SYN3: variants seen among roughly 807,000 people sequenced by gnomAD.
SYN3 encodes the protein synapsin III.
SYN3 carries 35 observed loss-of-function variants against 65.8 expected under a neutral mutation model. That is an observed-to-expected ratio of 0.53 (90% CI 0.41 to 0.70). The LOEUF is 0.70. Among genes scored for constraint, SYN3 ranks in the 30% least tolerant of loss-of-function variants. SYN3 has a pLI of 0.00. For synonymous variants in SYN3, 270 were observed against 292.9 expected (o/e 0.92, Z 0.80); for missense variants, 680 against 749.0 (o/e 0.91, Z 1.08).
At chr22:32,914,173 T>C (rs1404084585) in intron 4 of SYN3, among the ~76,000 whole-genome samples, 1 of 152,180 alleles carries the variant, frequency 6.6e-6, no homozygotes, top group Non-Finnish European at 1.5e-5. Flanking sequence ...AATCAAAAGA[T>C]ACAAACCTGA....
At chr22:32,632,073 T>A (rs776144497) in intron 6 of SYN3, among the ~76,000 whole-genome samples, 1 of 152,202 alleles carries the variant, frequency 6.6e-6, no homozygotes, top group Non-Finnish European at 1.5e-5. Context: ...CCTAGACAGA[T>A]AAAGGTCTTG....
chr22:32,607,881 G>A (rs561296088), intron 6 of SYN3, among the ~76,000 whole-genome samples: 2 of 152,314 alleles, frequency 1.3e-5, no homozygotes, highest in South Asian at 4.1e-4. Flanking sequence ...TGGCTCTGGG[G>A]AGGGTCTGAA....
chr22:32,828,356 A>C lies in SYN3; in HGVS notation c.711+36559T>G, dbSNP rs139108162. Among the ~76,000 whole-genome samples, 979 of 152,360 alleles carry C rather than the reference A, an allele frequency of 6.4e-3. 9 individuals are homozygous for C. The highest frequency in any genetic ancestry group is 0.022 in the African/African-American group (932 of 41,584). ...ACAACATTCTTTTATGTTGATGTGA[A>C]GTAGCAAATCTTTCAGAGATACAGG... On this transcript the variant is annotated intron_variant, in intron 6 of 13. Transcript: ENST00000358763.
At chr22:32,860,691 G>C (rs1461797506) in intron 6 of SYN3, 3 of 152,538 alleles carry the variant, frequency 2.0e-5, no homozygotes, top group Admixed American at 2.0e-4. Flanking sequence ...GATGGCAGAT[G>C]AGAGTGTAGT....
intron 13 of SYN3, among the ~76,000 whole-genome samples, chr22:32,515,079 T>C (rs147080385): frequency 1.6e-3 from 239 of 152,304 alleles, no homozygotes; most frequent in African/African-American, 5.6e-3. Context: ...CCTTGCTTAT[T>C]ACCCCTCAGA....
chr22:32,869,954 T>A (rs1016822025), intron 4 of SYN3, among the ~76,000 whole-genome samples: 2 of 152,106 alleles, frequency 1.3e-5, no homozygotes, highest in Admixed American at 6.6e-5. Context: ...GTCATCTGGC[T>A]CCAAGTCCAC....
intron 7 of SYN3, among the ~76,000 whole-genome samples, chr22:32,548,654 G>A (rs1187837802): frequency 6.6e-6 from 1 of 152,166 alleles, no homozygotes; most frequent in Non-Finnish European, 1.5e-5. Context: ...TTACAGGCGT[G>A]AGCCACCGTG....
chr22:32,959,849 C>A (rs1187046340), intron 3 of SYN3, among the ~76,000 whole-genome samples: 1 of 152,202 alleles, frequency 6.6e-6, no homozygotes, highest in East Asian at 1.9e-4. Context: ...TTTGCCTTGG[C>A]CTTCCAAAGT....
In SYN3 at chr22:32,665,489, G is replaced by GTATATATATATATATATATA. The variant is rs130731; in HGVS notation, c.712-68773_712-68754dup. ...GGCTGAGTAGTATGCCACAGTGTGT[G>GTATATATATATATATATATA]TATATATATATATATATATATGTCT... is the stretch of plus-strand genomic sequence containing the variant. On this transcript the variant is annotated intron_variant, in intron 6 of 13. Transcript: ENST00000358763. Among the ~76,000 whole-genome samples, 34 of 141,388 alleles carry GTATATATATATATATATATA rather than the reference G, an allele frequency of 2.4e-4. No homozygotes were observed. In the East Asian group the frequency reaches 5.5e-3, roughly 23 times the overall value. The allele number at this position is 141,388 out of a possible 152,430, so 92.8% of individuals were successfully genotyped here. A position where few individuals can be genotyped will look rare whatever the true frequency, so the allele number is the denominator to read the frequency against.
chr22:32,692,177 C>A (rs5754214), intron 6 of SYN3, among the ~76,000 whole-genome samples: 11,418 of 65,530 alleles, frequency 0.17, 1,962 homozygotes, highest in East Asian at 0.51. Flanking sequence ...AAAAAAAAAA[C>A]AGGACGGTCT....
intron 4 of SYN3, among the ~76,000 whole-genome samples, chr22:32,924,485 A>C (rs2050417056): frequency 6.6e-6 from 1 of 152,210 alleles, no homozygotes; most frequent in African/African-American, 2.4e-5. Context: ...GTGATCTTCC[A>C]ACAGCAGCAT....
At chr22:32,927,500 TG>T (rs1439232391) in intron 4 of SYN3, among the ~76,000 whole-genome samples, 4 of 152,044 alleles carry the variant, frequency 2.6e-5, no homozygotes, top group Non-Finnish European at 5.9e-5. Context: ...TCCACCCACC[TG>T]GCCTCCCAAA....
intron 3 of SYN3, among the ~76,000 whole-genome samples, chr22:32,932,706 A>G (rs998010100): frequency 6.6e-6 from 1 of 152,146 alleles, no homozygotes; most frequent in African/African-American, 2.4e-5. Flanking sequence ...CCCATGGAAT[A>G]CATCCCTCTT....
At chr22:33,037,986 T>C (rs1333100310) in intron 1 of SYN3, among the ~76,000 whole-genome samples, 1 of 148,988 alleles carries the variant, frequency 6.7e-6, no homozygotes, top group Non-Finnish European at 1.5e-5. Context: ...AAAATAAGAA[T>C]GCATGAAGTT....
chr22:32,997,253 A>G (rs942575221), intron 2 of SYN3, among the ~76,000 whole-genome samples: 3 of 152,222 alleles, frequency 2.0e-5, no homozygotes, highest in East Asian at 1.9e-4. Context: ...TAGAGAATCT[A>G]TGAAAGCCAT....
intron 6 of SYN3, among the ~76,000 whole-genome samples, chr22:32,816,905 C>A (rs1444040432): frequency 6.6e-6 from 1 of 152,112 alleles, no homozygotes; most frequent in East Asian, 1.9e-4. Context: ...AAGGTGTGAT[C>A]CTTGCACCAC....
intron 6 of SYN3, among the ~76,000 whole-genome samples, chr22:32,664,391 T>C (rs2147025154): frequency 6.6e-6 from 1 of 152,296 alleles, no homozygotes; most frequent in East Asian, 1.9e-4. Flanking sequence ...GGGGAAAATC[T>C]AGTGGTCGGT....
At chr22:32,963,595 T>A (rs2051729658) in intron 3 of SYN3, among the ~76,000 whole-genome samples, 1 of 152,138 alleles carries the variant, frequency 6.6e-6, no homozygotes, top group Non-Finnish European at 1.5e-5. Flanking sequence ...GACACCAACA[T>A]GCAGAACTTG....
At chr22:32,820,378 G>GTA (rs1270907216) in intron 6 of SYN3, among the ~76,000 whole-genome samples, 4 of 148,452 alleles carry the variant, frequency 2.7e-5, no homozygotes, top group African/African-American at 1.0e-4. Context: ...GTGTGTGTGT[G>GTA]GTGTGTTCTA....
Sources: gnomAD v4.1 joint callset for allele counts (sites outside exome capture counted in the v4.1 genomes callset) on GRCh38, gnomAD v4.1.1 for gene constraint, MANE v1.5 for transcripts, NCBI Gene and HGNC (gene_info 2026-07-23, HGNC 2026-07-21) for gene names.